The following RGL1 variants were observed in gnomAD, a reference collection of about 807,000 sequenced individuals.
The protein encoded by RGL1 is ral guanine nucleotide dissociation stimulator-like 1.
In RGL1, 24 loss-of-function variants were observed where a neutral mutation model predicts 95.2. That is an observed-to-expected ratio of 0.25 (90% CI 0.18 to 0.35). RGL1 has a LOEUF of 0.35. Ranked by LOEUF, RGL1 falls within the 10% of genes least tolerant of loss-of-function variation. The pLI is 1.00. For missense variants in RGL1, 715 were observed against 936.3 expected (o/e 0.76, Z 3.08); for synonymous variants, 329 against 344.9 (o/e 0.95, Z 0.51).
intron 2 of RGL1, among the ~76,000 whole-genome samples, chr1:183,746,651 TA>T (rs372044329): frequency 1.3e-4 from 19 of 150,396 alleles, no homozygotes; most frequent in Non-Finnish European, 1.6e-4. Context: ...TTTTCTTATA[TA>T]TTTTTTTAAT....
At chr1:183,781,795 C>T (rs983206061) in intron 2 of RGL1, among the ~76,000 whole-genome samples, 1 of 152,206 alleles carries the variant, frequency 6.6e-6, no homozygotes, top group African/African-American at 2.4e-5. Context: ...TAATCCATTA[C>T]ATGGATGTGC....
chr1:183,686,400 G>A (rs761189761), intron 1 of RGL1, among the ~76,000 whole-genome samples: 1 of 149,514 alleles, frequency 6.7e-6, no homozygotes, highest in South Asian at 2.1e-4. Context: ...TCCCTCAGTG[G>A]CACTTTCTTC....
At chr1:183,799,899 G>C (rs1660895295) in intron 2 of RGL1, among the ~76,000 whole-genome samples, 1 of 152,184 alleles carries the variant, frequency 6.6e-6, no homozygotes, top group Admixed American at 6.5e-5. Flanking sequence ...AAGGGAAATG[G>C]TGTGAAAGTA....
intron 2 of RGL1, among the ~76,000 whole-genome samples, chr1:183,790,405 A>G (rs1368247145): frequency 1.3e-5 from 2 of 152,210 alleles, no homozygotes; most frequent in Non-Finnish European, 2.9e-5. Flanking sequence ...CTTCTGGACC[A>G]TGTAAGGCAG....
chr1:183,750,637 G>A (rs1448900926), intron 2 of RGL1, among the ~76,000 whole-genome samples: 1 of 152,116 alleles, frequency 6.6e-6, no homozygotes, highest in African/African-American at 2.4e-5. Context: ...AGGAGAAGAG[G>A]CATTCTGGTT....
chr1:183,689,313 G>A (rs576122136), intron 1 of RGL1, among the ~76,000 whole-genome samples: 1 of 152,270 alleles, frequency 6.6e-6, no homozygotes, highest in African/African-American at 2.4e-5. Flanking sequence ...TGAAATGGAG[G>A]CTCATGCCAG....
intron 4 of RGL1, among the ~76,000 whole-genome samples, chr1:183,879,292 T>C: frequency 6.6e-6 from 1 of 152,248 alleles, no homozygotes; most frequent in East Asian, 1.9e-4. Flanking sequence ...TTAAATTGGC[T>C]TTAGTCATAC....
chr1:183,789,842 T>C (rs1660359221), intron 2 of RGL1, among the ~76,000 whole-genome samples: 1 of 149,022 alleles, frequency 6.7e-6, no homozygotes. Context: ...TTGGTGCAAA[T>C]GTAATTGTGG....
At chr1:183,647,689 C>T (rs1650390350) in intron 1 of RGL1, 1 of 1,596,760 alleles carries the variant, frequency 6.3e-7, no homozygotes, top group South Asian at 1.1e-5. Context: ...TATTTCTTCC[C>T]TTTCTTCTTC....
intron 2 of RGL1, among the ~76,000 whole-genome samples, chr1:183,747,479 G>A (rs878942368): frequency 2.0e-5 from 3 of 152,028 alleles, no homozygotes; most frequent in African/African-American, 4.8e-5. Flanking sequence ...ATTTTTGATG[G>A]GGTTGTTTGT....
At chr1:183,669,523 C>T (rs907250683) in intron 1 of RGL1, among the ~76,000 whole-genome samples, 4 of 152,148 alleles carry the variant, frequency 2.6e-5, no homozygotes, top group African/African-American at 4.8e-5. Context: ...TATGCTTGTT[C>T]AGTCTCTTCA....
At chr1:183,864,767 A>G (rs754634340) in intron 3 of RGL1, among the ~76,000 whole-genome samples, 22 of 152,324 alleles carry the variant, frequency 1.4e-4, no homozygotes, top group South Asian at 4.1e-4. Flanking sequence ...GAGCTAGAGA[A>G]AGGAGCAGGT....
chr1:183,766,487 C>G (rs1250828263), intron 2 of RGL1, among the ~76,000 whole-genome samples: 1 of 152,000 alleles, frequency 6.6e-6, no homozygotes. Context: ...AACTTTGTAC[C>G]CATATCAAGT....
chr1:183,695,695 A>G (rs1455050533), intron 1 of RGL1, among the ~76,000 whole-genome samples: 1 of 152,248 alleles, frequency 6.6e-6, no homozygotes, highest in African/African-American at 2.4e-5. Context: ...TGTTAAAGCT[A>G]CAAGTTCTAT....
intron 2 of RGL1, among the ~76,000 whole-genome samples, chr1:183,765,854 G>C (rs1658935533): frequency 6.6e-6 from 1 of 152,042 alleles, no homozygotes; most frequent in Admixed American, 6.6e-5. Context: ...TTATTTCTGT[G>C]GCATCCAACA....
chr1:183,657,255 T>G (rs1651234928), intron 1 of RGL1, among the ~76,000 whole-genome samples: 1 of 152,196 alleles, frequency 6.6e-6, no homozygotes, highest in African/African-American at 2.4e-5. Context: ...CTAATCAATG[T>G]TTTACAGTTT....
intron 5 of RGL1, 126 bp from the exon 6 acceptor site, chr1:183,883,660 G>T (rs1176308499): frequency 6.3e-6 from 6 of 946,756 alleles, no homozygotes; most frequent in Non-Finnish European, 9.7e-6. Flanking sequence ...GCTTGTGGTT[G>T]TCTCCCTGTG....
At chr1:183,843,161 A>G (rs1664179823) in intron 2 of RGL1, among the ~76,000 whole-genome samples, 1 of 152,234 alleles carries the variant, frequency 6.6e-6, no homozygotes, top group Admixed American at 6.5e-5. Flanking sequence ...TGATAACTTA[A>G]CATGCATTGT....
chr1:183,918,594 C>T (rs777406961), intron 16 of RGL1, among the ~76,000 whole-genome samples: 3 of 152,180 alleles, frequency 2.0e-5, no homozygotes, highest in African/African-American at 7.2e-5. Context: ...CTGCACAAAC[C>T]TCTACTGCCC....
Sources: allele counts gnomAD v4.1 joint callset (sites outside exome capture counted in the v4.1 genomes callset), GRCh38; gene constraint gnomAD v4.1.1; transcripts MANE v1.5; gene names NCBI Gene and HGNC (gene_info 2026-07-23, HGNC 2026-07-21).